Variants in DNAH14 observed in about 807,000 individuals in gnomAD.
DNAH14 encodes the protein axonemal beta dynein heavy chain 14.
In DNAH14, 478 loss-of-function variants were observed where a neutral mutation model predicts 520.9. The ratio of observed to expected loss-of-function variants is 0.92; its 90% CI spans 0.85 to 0.99. DNAH14 has a LOEUF of 0.99. Among genes scored for constraint, DNAH14 ranks in the 50% least tolerant of loss-of-function variants. DNAH14 has a pLI of 0.00. For missense variants in DNAH14, 4,831 were observed against 5,234.5 expected, an observed-to-expected ratio of 0.92 and a Z score of 2.38; for synonymous variants, 1,581 against 1,757.2, an observed-to-expected ratio of 0.90 and a Z score of 2.51.
chr1:225,232,202 A>C lies in DNAH14; in HGVS notation c.6518+1051A>C, dbSNP rs961767638. Among the ~76,000 whole-genome samples the C allele has an allele frequency of 6.6e-6, 1 of 152,056 alleles. No homozygotes were observed. Among genetic ancestry groups the C allele is most frequent in the Admixed American group, 6.6e-5 (1 of 15,254 alleles). On this transcript the variant is annotated intron_variant, in intron 42 of 85. Transcript: ENST00000682510. The surrounding 1 kb of genome is among the most constrained non-coding windows in gnomAD (Gnocchi z 4.2). ...ACATTACATGTTTAGTTCATTGTGC[A>C]TATAGCTATTCTTATTTCTTTTCAC...
intron 18 of DNAH14, among the ~76,000 whole-genome samples, 157 bp downstream of exon 18, chr1:225,079,705 GCT>G (rs922387406): frequency 3.1e-5 from 3 of 98,252 alleles, no homozygotes; most frequent in African/African-American, 1.2e-4. Context: ...ATGGAGTCTT[GCT>G]CTGTTGCCCA....
chr1:225,339,508 A>G (rs2095135685), intron 68 of DNAH14, among the ~76,000 whole-genome samples: 10 of 152,210 alleles, frequency 6.6e-5, no homozygotes, highest in Admixed American at 6.5e-4. Flanking sequence ...ATAGTGTTGT[A>G]TAGACTACAC....
rs373355178 is a variant in DNAH14 at position 225,295,500 on chromosome 1, T to C, written c.8470-5369T>C. Among the ~76,000 whole-genome samples the C allele has an allele frequency of 8.5e-5, 13 of 152,318 alleles. 1 individual carries two copies. In the South Asian group the frequency reaches 2.3e-3, roughly 27 times the overall value. On this transcript the variant is annotated intron_variant, in intron 55 of 85. Coordinates refer to ENST00000682510, the MANE Select transcript of DNAH14 (RefSeq NM_001367479.1). ...TAAATTTCATTCTTAATTTCTTCCT[T>C]CATCCATTTGTTGTTCAGGAGCATA...
At chr1:225,014,841 G>A (rs1329944376) in intron 10 of DNAH14, among the ~76,000 whole-genome samples, 1 of 152,142 alleles carries the variant, frequency 6.6e-6, no homozygotes, top group Non-Finnish European at 1.5e-5. Flanking sequence ...CAAATCTGTT[G>A]TTTCTTTGTT....
chr1:225,258,752 C>A (rs1190370939), intron 45 of DNAH14, among the ~76,000 whole-genome samples: 1 of 152,116 alleles, frequency 6.6e-6, no homozygotes, highest in Non-Finnish European at 1.5e-5. Context: ...TACAGAGTCC[C>A]TACTCTGATT....
chr1:225,132,974 G>A (rs947763591), intron 27 of DNAH14, among the ~76,000 whole-genome samples: 2 of 152,096 alleles, frequency 1.3e-5, no homozygotes, highest in East Asian at 1.9e-4. Context: ...CTAACAATTA[G>A]TAATGTTGAG....
At chr1:225,364,975 G>T (rs1410891488) in intron 76 of DNAH14, 81 bp downstream of exon 76, 3 of 1,021,312 alleles carry the variant, frequency 2.9e-6, no homozygotes, top group Non-Finnish European at 2.8e-6. Flanking sequence ...AAAACTCTGA[G>T]TTTAAAAGAG....
chr1:225,096,679 T>A (rs1218292113), intron 21 of DNAH14, among the ~76,000 whole-genome samples: 2 of 152,154 alleles, frequency 1.3e-5, no homozygotes, highest in African/African-American at 2.4e-5. Context: ...GTATATAATA[T>A]GGTTGTATTT....
chr1:225,375,194 T>A (rs761941693), intron 78 of DNAH14, among the ~76,000 whole-genome samples: 5 of 152,156 alleles, frequency 3.3e-5, no homozygotes, highest in Non-Finnish European at 7.3e-5. Context: ...TGTTTCTCAT[T>A]TAATGCTCAA....
chr1:225,330,111 T>G lies in DNAH14; in HGVS notation c.9724-1326T>G, dbSNP rs545208556. Among the ~76,000 whole-genome samples, 5 of 152,256 alleles carry G rather than the reference T, an allele frequency of 3.3e-5. No homozygotes were observed. The East Asian group carries it at 9.6e-4, about 29-fold the overall frequency. ...TAAAAACTACAGTGAGATATCATCT[T>G]ACCCTAATTAAAATGGCTTTTATCC... On this transcript the variant is annotated intron_variant, in intron 64 of 85. Transcript: ENST00000682510.
At chr1:225,374,628 T>C (rs2095672374) in intron 77 of DNAH14, 60 bp from the exon 78 acceptor site, 2 of 1,365,486 alleles carry the variant, frequency 1.5e-6, no homozygotes, top group Non-Finnish European at 2.0e-6. Context: ...TGTTAAAAAG[T>C]CAGAGTGAGT....
intron 7 of DNAH14, chr1:224,969,608 A>G: frequency 4.0e-6 from 1 of 250,296 alleles, no homozygotes; most frequent in Non-Finnish European, 7.4e-6. Context: ...AGGTGGAGGA[A>G]AAGTAGAGGT....
At chr1:225,369,781 C>G (rs370222602) in intron 77 of DNAH14, among the ~76,000 whole-genome samples, 5 of 152,176 alleles carry the variant, frequency 3.3e-5, no homozygotes, top group African/African-American at 1.2e-4. Context: ...ATTTTATGGG[C>G]CACGTTATCT....
chr1:225,165,523 A>T (rs988625102), intron 35 of DNAH14, among the ~76,000 whole-genome samples: 1 of 150,434 alleles, frequency 6.6e-6, no homozygotes, highest in East Asian at 1.9e-4. Context: ...TAGTACTTAC[A>T]TGTGTTCTGG....
intron 85 of DNAH14, 124 bp from the exon 86 acceptor site, chr1:225,398,930 A>T: frequency 2.3e-6 from 2 of 864,028 alleles, no homozygotes; most frequent in Non-Finnish European, 3.5e-6. Flanking sequence ...CTGTTACATT[A>T]ACCATTTAAC....
intron 75 of DNAH14, among the ~76,000 whole-genome samples, chr1:225,361,300 A>T (rs1437451380): frequency 6.6e-6 from 1 of 152,216 alleles, no homozygotes; most frequent in East Asian, 1.9e-4. Context: ...GCCTTTGCTT[A>T]GTATCTATTC....
intron 27 of DNAH14, among the ~76,000 whole-genome samples, chr1:225,139,611 G>T (rs2079248072): frequency 6.6e-6 from 1 of 152,176 alleles, no homozygotes; most frequent in South Asian, 2.1e-4. Context: ...AATTAATAAA[G>T]ATATAGTAAT....
At chr1:225,188,585 G>A (rs1281385711) in intron 37 of DNAH14, among the ~76,000 whole-genome samples, 1 of 151,928 alleles carries the variant, frequency 6.6e-6, no homozygotes, top group African/African-American at 2.4e-5. Context: ...TGGGGATAAA[G>A]GCGGATTATT....
At chr1:225,351,926 G>C in intron 72 of DNAH14, 43 bp downstream of exon 72, 1 of 1,437,050 alleles carries the variant, frequency 7.0e-7, no homozygotes, top group Non-Finnish European at 9.5e-7. Context: ...AAGTATGTGT[G>C]TATGTGTATG....
Sources: allele counts gnomAD v4.1 joint callset (sites outside exome capture counted in the v4.1 genomes callset), GRCh38; gene constraint gnomAD v4.1.1; non-coding constraint Gnocchi (gnomAD v3.1); transcripts MANE v1.5; gene names NCBI Gene and HGNC (gene_info 2026-07-23, HGNC 2026-07-21).